PKNOX2: variants seen among roughly 807,000 people sequenced by gnomAD.
The protein encoded by PKNOX2 is PBX/knotted 1 homeobox 2.
Under a neutral mutation model 53.1 loss-of-function variants are expected in PKNOX2, and 14 were observed. The ratio of observed to expected loss-of-function variants is 0.26; its 90% CI spans 0.17 to 0.41. The LOEUF (loss-of-function observed/expected upper bound fraction) is 0.41. Among genes scored for constraint, PKNOX2 ranks in the 10% least tolerant of loss-of-function variants. The pLI is 1.00. For synonymous variants in PKNOX2, 257 were observed against 242.8 expected (o/e 1.06, Z -0.54); for missense variants, 496 against 602.8 (o/e 0.82, Z 1.85).
chr11:125,303,641 C>G (rs1486497765), intron 2 of PKNOX2, among the ~76,000 whole-genome samples: 2 of 152,202 alleles, frequency 1.3e-5, no homozygotes, highest in Non-Finnish European at 1.5e-5. Flanking sequence ...AGGAAACCCA[C>G]CCTTCAACAT....
chr11:125,373,441 C>T (rs537691530), intron 5 of PKNOX2, among the ~76,000 whole-genome samples: 1 of 152,306 alleles, frequency 6.6e-6, no homozygotes, highest in African/African-American at 2.4e-5. Flanking sequence ...CTTTCTGTGA[C>T]TCAGTTTCCT....
At chr11:125,201,693 C>CCTGG (rs1213887413) in intron 1 of PKNOX2, among the ~76,000 whole-genome samples, 1 of 152,112 alleles carries the variant, frequency 6.6e-6, no homozygotes, top group Non-Finnish European at 1.5e-5. Context: ...TCAGGAAAGC[C>CCTGG]CCAGACTTCA....
chr11:125,411,494 CTCTCTCTCTCTCTCT>C (rs1358296704), intron 9 of PKNOX2: 35 of 455,454 alleles, frequency 7.7e-5, no homozygotes, highest in African/African-American at 5.8e-4. Context: ...CTCTCTCTCT[CTCTCTCTCTCTCTCT>C]CCCCCCCTTC....
intron 1 of PKNOX2, among the ~76,000 whole-genome samples, chr11:125,212,625 A>G (rs1197785966): frequency 6.6e-6 from 1 of 151,548 alleles, no homozygotes; most frequent in Non-Finnish European, 1.5e-5. Flanking sequence ...CACTGAACAG[A>G]GAGGGAAGAG....
chr11:125,238,634 A>G (rs1942921248), intron 2 of PKNOX2, among the ~76,000 whole-genome samples: 1 of 152,234 alleles, frequency 6.6e-6, no homozygotes. Flanking sequence ...AAGATTCTAA[A>G]TGTGCAGATA....
Position 125,385,569 on chromosome 11 carries a change from C to T in PKNOX2, c.246C>T (p.Leu82=), listed in dbSNP as rs779924043. The T allele has an allele frequency of 3.7e-6, 6 of 1,610,612 alleles. No homozygotes were observed. The highest frequency in any genetic ancestry group is 1.7e-4 in the Middle Eastern group (1 of 6,042). The part of the protein sequence containing the change: ...RAVYRHPLFP[L]LTLLFEKCEQ... ...CCTGCAGGCACCCTCTTTTCCCGCT[C>T]CTGACGCTGCTGTTTGAGAAATGTG... Residue 82 remains leucine (L), a synonymous_variant, in exon 6 of 13, where the codon CTC becomes CTT. Transcript: ENST00000298282.
intron 7 of PKNOX2, among the ~76,000 whole-genome samples, chr11:125,400,566 T>A (rs1270832910): frequency 6.6e-6 from 1 of 152,138 alleles, no homozygotes; most frequent in African/African-American, 2.4e-5. Flanking sequence ...CCAATCTGAC[T>A]GTTCAAGGTG....
intron 1 of PKNOX2, among the ~76,000 whole-genome samples, chr11:125,176,975 G>A (rs764191380): frequency 6.6e-6 from 1 of 152,214 alleles, no homozygotes. Context: ...TACAGCCCCA[G>A]TTAGGGTCCT....
chr11:125,270,617 T>C (rs186335955), intron 2 of PKNOX2, among the ~76,000 whole-genome samples: 1 of 152,162 alleles, frequency 6.6e-6, no homozygotes, highest in Non-Finnish European at 1.5e-5. Context: ...GGACAGCTAA[T>C]ACACTCGAAA....
At chr11:125,172,900 G>A (rs758778332) in intron 1 of PKNOX2, among the ~76,000 whole-genome samples, 1 of 152,166 alleles carries the variant, frequency 6.6e-6, no homozygotes, top group Admixed American at 6.5e-5. Flanking sequence ...TGTTCCTAGC[G>A]ATAGGGGATG....
chr11:125,426,360 TAGAG>T (rs1284540685), intron 10 of PKNOX2, among the ~76,000 whole-genome samples: 1 of 152,246 alleles, frequency 6.6e-6, no homozygotes, highest in Non-Finnish European at 1.5e-5. Flanking sequence ...TTCCCATTAA[TAGAG>T]AGGCTTTTTC....
At chr11:125,272,929 C>T (rs571246982) in intron 2 of PKNOX2, among the ~76,000 whole-genome samples, 4 of 152,320 alleles carry the variant, frequency 2.6e-5, no homozygotes, top group Admixed American at 6.5e-5. Flanking sequence ...CTGGCCGAAG[C>T]GCAGGGAGAA....
chr11:125,385,769 T>C (rs1953585349), intron 6 of PKNOX2, 47 bp downstream of exon 6: 1 of 1,570,904 alleles, frequency 6.4e-7, no homozygotes, highest in African/African-American at 1.4e-5. Flanking sequence ...TCCTACCCTC[T>C]GACCCCCTTC....
At chr11:125,283,161 A>G (rs1022729975) in intron 2 of PKNOX2, among the ~76,000 whole-genome samples, 3 of 148,314 alleles carry the variant, frequency 2.0e-5, no homozygotes, top group Non-Finnish European at 2.9e-5. Flanking sequence ...CAAAAAATAT[A>G]TAAATAATAA....
intron 6 of PKNOX2, among the ~76,000 whole-genome samples, chr11:125,395,413 T>C (rs1954319128): frequency 6.6e-6 from 1 of 152,208 alleles, no homozygotes; most frequent in South Asian, 2.1e-4. Flanking sequence ...GAACATATGT[T>C]TTTATTTCTC....
intron 10 of PKNOX2, among the ~76,000 whole-genome samples, chr11:125,421,398 T>A (rs1027090473): frequency 2.0e-5 from 3 of 152,196 alleles, no homozygotes; most frequent in Non-Finnish European, 4.4e-5. Flanking sequence ...GGGGATATCT[T>A]GCCTGCAGAA....
intron 1 of PKNOX2, among the ~76,000 whole-genome samples, chr11:125,188,378 C>T (rs1252853195): frequency 6.6e-6 from 1 of 152,186 alleles, no homozygotes; most frequent in African/African-American, 2.4e-5. Flanking sequence ...GAGTCTTTCA[C>T]CCCATTAGAA....
At chr11:125,208,309 T>C (rs1591481267) in intron 1 of PKNOX2, among the ~76,000 whole-genome samples, 1 of 151,962 alleles carries the variant, frequency 6.6e-6, no homozygotes, top group South Asian at 2.1e-4. Flanking sequence ...CCGAGGTAGA[T>C]TGTAAGTTGA....
intron 6 of PKNOX2, among the ~76,000 whole-genome samples, chr11:125,392,385 C>G (rs537833532): frequency 3.3e-5 from 5 of 152,218 alleles, no homozygotes; most frequent in South Asian, 2.1e-4. Context: ...CCAGGCAGCC[C>G]TCTAACATTG....
Sources: allele counts gnomAD v4.1 joint callset (sites outside exome capture counted in the v4.1 genomes callset), GRCh38; gene constraint gnomAD v4.1.1; transcripts MANE v1.5; gene names NCBI Gene and HGNC (gene_info 2026-07-23, HGNC 2026-07-21).